Variants in SMIM38 observed in about 807,000 individuals in gnomAD.
The protein encoded by SMIM38 is small integral membrane protein 38.
rs1362994452 is a variant in SMIM38 at position 69,157,325 on chromosome 11, A to G, written c.-522A>G. On this transcript the variant is annotated 5_prime_UTR_variant, in exon 2 of 3. Transcript: ENST00000686237. The stretch of plus-strand genomic sequence containing the variant: ...AGCTAATTGGGGAGAGAAAGGGCCC[A>G]ATTGTCTGGCGGGGCCGGAAGAGCC... 1 of 152,336 alleles carries G rather than the reference A, an allele frequency of 6.6e-6. No individual in the cohort carries two copies. The highest frequency in any genetic ancestry group is 2.4e-5 in the African/African-American group (1 of 41,454). 9.4% of individuals were successfully genotyped at this position (152,336 alleles called of 1,614,324 possible).
At position 69,158,258 on chromosome 11, in the gene SMIM38, A is replaced by C; in HGVS notation, c.*256A>C. On this transcript the variant is annotated 3_prime_UTR_variant, in exon 2 of 3. Coordinates refer to ENST00000686237, the MANE Select transcript of SMIM38 (RefSeq NM_001369201.2). Reference sequence around the variant, plus strand: ...ACCAGGTTCTGGGGTCCCCGGTTGCAGGGAGTGGTCCTGGGGGTGGGTCTT... The same window carrying C: ...ACCAGGTTCTGGGGTCCCCGGTTGCCGGGAGTGGTCCTGGGGGTGGGTCTT... 1 of 349,766 alleles carries C rather than the reference A, an allele frequency of 2.9e-6. No individual in the cohort carries two copies. The allele number at this position is 349,766 out of a possible 1,614,324, so 21.7% of individuals were successfully genotyped here.
Position 69,158,288 on chromosome 11 carries a change from TAA to T in SMIM38, c.*287_*288del, listed in dbSNP as rs897609703. 3 of 298,260 alleles carry T rather than the reference TAA, an allele frequency of 1.0e-5. No homozygotes were observed. Among genetic ancestry groups the T allele is most frequent in the African/African-American group, 2.2e-5 (1 of 46,334 alleles). The allele number at this position is 298,260 out of a possible 1,614,324, so 18.5% of individuals were successfully genotyped here. A position where few individuals can be genotyped will look rare whatever the true frequency, so the allele number is the denominator to read the frequency against. On this transcript the variant is annotated 3_prime_UTR_variant, in exon 2 of 3. Coordinates refer to ENST00000686237, the MANE Select transcript of SMIM38 (RefSeq NM_001369201.2). ...GTGGTCCTGGGGGTGGGTCTTGCTT[TAA>T]GACCTTCTCTGCCTCCAATTCCTTA... is the stretch of plus-strand genomic sequence containing the variant.
At position 69,157,661 on chromosome 11, in the gene SMIM38, G is replaced by T; in HGVS notation, c.-186G>T. ...CTGGCGGGCAGATCTGGCCTGCTTG[G>T]TGGCACCAGAGAGAACAGGGCGGTC... On this transcript the variant is annotated 5_prime_UTR_variant, in exon 2 of 3. Coordinates refer to ENST00000686237, the MANE Select transcript of SMIM38 (RefSeq NM_001369201.2). The T allele has an allele frequency of 2.5e-6, 1 of 395,814 alleles. No homozygotes were observed. Among genetic ancestry groups the T allele is most frequent in the Non-Finnish European group, 4.4e-6 (1 of 224,794 alleles). 24.5% of individuals were successfully genotyped at this position (395,814 alleles called of 1,614,324 possible). A position where few individuals can be genotyped will look rare whatever the true frequency, so the allele number is the denominator to read the frequency against.
rs996201658 is a variant in SMIM38, at chr11:69,160,582, A to G, written c.*2486A>G. 6.6e-6 allele frequency: 1 copy of G among 152,310 alleles called. No homozygotes were observed. The highest frequency in any genetic ancestry group is 1.5e-5 in the Non-Finnish European group (1 of 68,122). 9.4% of individuals were successfully genotyped at this position (152,310 alleles called of 1,614,324 possible). On this transcript the variant is annotated 3_prime_UTR_variant, in exon 3 of 3. Transcript: ENST00000686237. Reference sequence around the variant, plus strand: ...GAGGACAGACGCTCAAGGCGGCCCCATGAGAACACAGCCACCTGGAAAAAT... The same window carrying G: ...GAGGACAGACGCTCAAGGCGGCCCCGTGAGAACACAGCCACCTGGAAAAAT...
chr11:69,157,820 T>A lies in SMIM38; in HGVS notation c.-27T>A. On this transcript the variant is annotated 5_prime_UTR_variant, in exon 2 of 3. Coordinates refer to ENST00000686237, the MANE Select transcript of SMIM38 (RefSeq NM_001369201.2). Reference sequence around the variant, plus strand: ...ATCTCGGTTCCAGGGCAGAGGCTGCTGCTGCCCTTTGGGGCTGACTTCAGG... The same window carrying A: ...ATCTCGGTTCCAGGGCAGAGGCTGCAGCTGCCCTTTGGGGCTGACTTCAGG... The A allele has an allele frequency of 2.5e-6, 1 of 398,800 alleles. No homozygotes were observed. The highest frequency in any genetic ancestry group is 4.4e-6 in the Non-Finnish European group (1 of 226,230). The allele number at this position is 398,800 out of a possible 1,614,324, so 24.7% of individuals were successfully genotyped here.
Position 69,161,945 on chromosome 11 carries a change from C to T in SMIM38, c.*3849C>T, listed in dbSNP as rs1857057465. The T allele has an allele frequency of 6.7e-6, 1 of 149,428 alleles. No individual in the cohort carries two copies. Among genetic ancestry groups the T allele is most frequent in the Non-Finnish European group, 1.5e-5 (1 of 67,414 alleles). 9.3% of individuals were successfully genotyped at this position (149,428 alleles called of 1,614,324 possible). On this transcript the variant is annotated 3_prime_UTR_variant, in exon 3 of 3. Coordinates refer to ENST00000686237, the MANE Select transcript of SMIM38 (RefSeq NM_001369201.2). ...TCAGAGGAGGAGATTAGGACCCAGA[C>T]ACACACACACACACAGAGCCAGGTG...
Position 69,155,945 on chromosome 11 carries a change from A to G in SMIM38, c.-843A>G, listed in dbSNP as rs1304543543. On this transcript the variant is annotated 5_prime_UTR_variant, in exon 1 of 3. Coordinates refer to ENST00000686237, the MANE Select transcript of SMIM38 (RefSeq NM_001369201.2). ...GCGTGGAAAACAAGCCCAGAGCTCAACGTTCCCTAAGTGAGTGGCCTTTGA... is the reference window on the plus strand; with the variant it reads ...GCGTGGAAAACAAGCCCAGAGCTCAGCGTTCCCTAAGTGAGTGGCCTTTGA... 1 of 152,392 alleles carries G rather than the reference A, an allele frequency of 6.6e-6. No homozygotes were observed. Among genetic ancestry groups the G allele is most frequent in the Non-Finnish European group, 1.5e-5 (1 of 68,156 alleles). 9.4% of individuals were successfully genotyped at this position (152,392 alleles called of 1,614,324 possible). A position where few individuals can be genotyped will look rare whatever the true frequency, so the allele number is the denominator to read the frequency against.
rs1220525502 is a variant in SMIM38 at position 69,158,872 on chromosome 11, G to T, written c.*870G>T. The T allele has an allele frequency of 6.6e-6, 1 of 152,246 alleles. No homozygotes were observed. Among genetic ancestry groups the T allele is most frequent in the Admixed American group, 6.5e-5 (1 of 15,288 alleles). 9.4% of individuals were successfully genotyped at this position (152,246 alleles called of 1,614,324 possible). The stretch of plus-strand genomic sequence containing the variant: ...ACCCACAGCTTGGGGAAGCTCAAAG[G>T]CTCCACATTCGAGCCTCTTGGGGGA... On this transcript the variant is annotated 3_prime_UTR_variant, in exon 2 of 3. Coordinates refer to ENST00000686237, the MANE Select transcript of SMIM38 (RefSeq NM_001369201.2).
In SMIM38 at chr11:69,157,990, C is replaced by G. The variant is rs923990065; in HGVS notation, c.144C>G (p.Pro48=). The G allele has an allele frequency of 1.0e-5, 4 of 398,768 alleles. No individual in the cohort carries two copies. Among genetic ancestry groups the G allele is most frequent in the Non-Finnish European group, 1.8e-5 (4 of 226,288 alleles). The allele number at this position is 398,768 out of a possible 1,614,324, so 24.7% of individuals were successfully genotyped here. ...TGGCCCAGCGGCGGCCCCAGAAACC[C>G]AAGCAGGACTAAGCCTCTGCAGGCT... ...YRLAQRRPQK[P]KQD Residue 48 remains proline (P), a synonymous_variant, in exon 2 of 3, where the codon CCC becomes CCG. Transcript: ENST00000686237.
chr11:69,156,809 C>T (rs1226169088), intron 1 of SMIM38, among the ~76,000 whole-genome samples: 4 of 152,174 alleles, frequency 2.6e-5, no homozygotes, highest in Non-Finnish European at 5.9e-5. Context: ...GCAGGATCTG[C>T]GGCTCTGAGA....
At chr11:69,156,292 C>A (rs1411568710) in intron 1 of SMIM38, among the ~76,000 whole-genome samples, 178 bp downstream of exon 1, 2 of 152,252 alleles carry the variant, frequency 1.3e-5, no homozygotes, top group African/African-American at 2.4e-5. Context: ...CATTGCTGTT[C>A]TCTGTAGCTC....
chr11:69,161,191 C>A lies in SMIM38; in HGVS notation c.*3095C>A, dbSNP rs1857051069. The A allele has an allele frequency of 6.6e-6, 1 of 152,238 alleles. No individual in the cohort carries two copies. The highest frequency in any genetic ancestry group is 1.5e-5 in the Non-Finnish European group (1 of 68,046). The allele number at this position is 152,238 out of a possible 1,614,324, so 9.4% of individuals were successfully genotyped here. On this transcript the variant is annotated 3_prime_UTR_variant, in exon 3 of 3. Transcript: ENST00000686237. Reference sequence around the variant, plus strand: ...AATGTCCCCAGATACCCTTAGTTTTCCATCTCATAAGCCAGAATGATGTCA... The same window carrying A: ...AATGTCCCCAGATACCCTTAGTTTTACATCTCATAAGCCAGAATGATGTCA...
intron 1 of SMIM38, 61 bp from the exon 2 acceptor site, chr11:69,157,113 T>A (rs529769213): frequency 6.5e-6 from 1 of 152,672 alleles, no homozygotes; most frequent in South Asian, 2.1e-4. Context: ...TGGGGCCGCC[T>A]GTGGGCTGTG....
In SMIM38 at chr11:69,161,450, T is replaced by G. The variant is rs1304924328; in HGVS notation, c.*3354T>G. ...TTTGTGGTACCCTTATGTGCTGGTT[T>G]TGCTGTTGTCTGCCCTTCAGGAATA... On this transcript the variant is annotated 3_prime_UTR_variant, in exon 3 of 3. Coordinates refer to ENST00000686237, the MANE Select transcript of SMIM38 (RefSeq NM_001369201.2). 1 of 152,274 alleles carries G rather than the reference T, an allele frequency of 6.6e-6. No individual in the cohort carries two copies. Among genetic ancestry groups the G allele is most frequent in the Non-Finnish European group, 1.5e-5 (1 of 68,062 alleles). 9.4% of individuals were successfully genotyped at this position (152,274 alleles called of 1,614,324 possible).
rs867539854 is a variant in SMIM38 at position 69,161,997 on chromosome 11, A to G, written c.*3901A>G. ...GGACACAGGGAGAAAATGGCCACGT[A>G]CAAGCCAAGATGAGAGGACTCAGGA... On this transcript the variant is annotated 3_prime_UTR_variant, in exon 3 of 3. Transcript: ENST00000686237. 2 of 152,232 alleles carry G rather than the reference A, an allele frequency of 1.3e-5. No individual in the cohort carries two copies. Among genetic ancestry groups the G allele is most frequent in the Middle Eastern group, 2.9e-3 (1 of 350 alleles). The allele number at this position is 152,232 out of a possible 1,614,324, so 9.4% of individuals were successfully genotyped here.
chr11:69,157,279 G>C lies in SMIM38; in HGVS notation c.-568G>C, dbSNP rs1161097408. On this transcript the variant is annotated 5_prime_UTR_variant, in exon 2 of 3. Coordinates refer to ENST00000686237, the MANE Select transcript of SMIM38 (RefSeq NM_001369201.2). ...CGGAGACCGTGGGCCGGCGCTGGAC[G>C]GCGCGGCCTCCAGAAGTGATAGCTA... 1 of 152,372 alleles carries C rather than the reference G, an allele frequency of 6.6e-6. No homozygotes were observed. The highest frequency in any genetic ancestry group is 1.5e-5 in the Non-Finnish European group (1 of 68,174). The allele number at this position is 152,372 out of a possible 1,614,324, so 9.4% of individuals were successfully genotyped here.
Position 69,157,890 on chromosome 11 carries a change from TG to T in SMIM38, c.46del (p.Ala16ProfsTer5). 1 of 399,204 alleles carries T rather than the reference TG, an allele frequency of 2.5e-6. No homozygotes were observed. Among genetic ancestry groups the T allele is most frequent in the Non-Finnish European group, 4.4e-6 (1 of 226,508 alleles). 24.7% of individuals were successfully genotyped at this position (399,204 alleles called of 1,614,324 possible). A position where few individuals can be genotyped will look rare whatever the true frequency, so the allele number is the denominator to read the frequency against. On this transcript the variant is annotated frameshift_variant, in exon 2 of 3. Coordinates refer to ENST00000686237, the MANE Select transcript of SMIM38 (RefSeq NM_001369201.2). LOFTEE classifies it high-confidence loss of function. ...PGGSFGPDPL[L>X]ALLVVILLAR... ...GGCAGCTTTGGCCCTGACCCGCTCC[TG>T]GCCCTGCTGGTGGTGATCCTGCTAG...
chr11:69,162,032 C>T lies in SMIM38; in HGVS notation c.*3936C>T, dbSNP rs1057041233. On this transcript the variant is annotated 3_prime_UTR_variant, in exon 3 of 3. Coordinates refer to ENST00000686237, the MANE Select transcript of SMIM38 (RefSeq NM_001369201.2). ...ATGAGAGGACTCAGGAAGAACCAGC[C>T]GACTCCACCCTTCAAAACTGTGAGA... is the stretch of plus-strand genomic sequence containing the variant. 5.3e-5 allele frequency: 8 copies of T among 152,204 alleles called. No individual in the cohort carries two copies. Among genetic ancestry groups the T allele is most frequent in the Middle Eastern group, 3.4e-3 (1 of 298 alleles). 9.4% of individuals were successfully genotyped at this position (152,204 alleles called of 1,614,324 possible). A position where few individuals can be genotyped will look rare whatever the true frequency, so the allele number is the denominator to read the frequency against.
chr11:69,159,828 TA>T lies in SMIM38; in HGVS notation c.*1737del, dbSNP rs1357273218. 2 of 152,202 alleles carry T rather than the reference TA, an allele frequency of 1.3e-5. No homozygotes were observed. Among genetic ancestry groups the T allele is most frequent in the African/African-American group, 4.8e-5 (2 of 41,438 alleles). The allele number at this position is 152,202 out of a possible 1,614,324, so 9.4% of individuals were successfully genotyped here. A position where few individuals can be genotyped will look rare whatever the true frequency, so the allele number is the denominator to read the frequency against. The stretch of plus-strand genomic sequence containing the variant: ...TCTAAGGAAAATATTGTTCGCTTTT[TA>T]AAAACATGATCTGGTACCATTTCAT... On this transcript the variant is annotated 3_prime_UTR_variant, in exon 3 of 3. Coordinates refer to ENST00000686237, the MANE Select transcript of SMIM38 (RefSeq NM_001369201.2).
Sources: allele counts gnomAD v4.1 joint callset (sites outside exome capture counted in the v4.1 genomes callset), GRCh38; gene constraint gnomAD v4.1.1; transcripts MANE v1.5; gene names NCBI Gene and HGNC (gene_info 2026-07-23, HGNC 2026-07-21).